Variants in RAD51C observed in about 807,000 individuals in gnomAD.
RAD51C encodes DNA repair protein RAD51 homolog 3.
Under a neutral mutation model 45.0 loss-of-function variants are expected in RAD51C, and 42 were observed. That is an observed-to-expected ratio of 0.93 (90% CI 0.73 to 1.21). RAD51C has a LOEUF of 1.21. RAD51C is among the 50% of genes most tolerant of loss of function. The probability of loss-of-function intolerance (pLI) is 0.00; values close to 1 mark genes in which losing one functional copy is unlikely to be tolerated. For synonymous variants in RAD51C, 172 were observed against 159.8 expected (o/e 1.08, Z -0.58); for missense variants, 474 against 452.2 (o/e 1.05, Z -0.44).
intron 6 of RAD51C, among the ~76,000 whole-genome samples, chr17:58,723,159 G>A (rs1015016427): frequency 2.2e-4 from 33 of 152,074 alleles, no homozygotes; most frequent in African/African-American, 8.0e-4. Flanking sequence ...AATAATAAAA[G>A]TCTTGTGTTT....
rs537272666 is a variant in RAD51C, at chr17:58,696,693, T to C, written c.405T>C (p.Cys135=). Residue 135 remains cysteine (C), a splice_region_variant and synonymous_variant, in exon 3 of 9, where the codon TGT becomes TGC. Transcript: ENST00000337432. ...TTGTTTGTCATCTTTCTGTTGACAG[T>C]ATGCAGTTGGCAGTAGATGTGCAGA... ...GAPGVGKTQL[C]MQLAVDVQIP... is the part of the protein sequence containing the mutation. The C allele has an allele frequency of 6.2e-7, 1 of 1,614,188 alleles. No homozygotes were observed. The highest frequency in any genetic ancestry group is 2.2e-5 in the East Asian group (1 of 44,880).
rs1215363659 is a variant in RAD51C, at chr17:58,713,466, G to A, written c.837+3476G>A. Among the ~76,000 whole-genome samples the A allele has an allele frequency of 9.2e-5, 14 of 151,864 alleles. No individual in the cohort carries two copies. In the East Asian group the frequency reaches 2.5e-3, roughly 28 times the overall value. On this transcript the variant is annotated intron_variant, in intron 5 of 8. Coordinates refer to ENST00000337432, the MANE Select transcript of RAD51C (RefSeq NM_058216.3). ...AGCAATCCTTTCACCTCAGCCTCTT[G>A]AGTAACTGAGACCACAGGCACACAC...
chr17:58,710,317 T>TAA (rs71143280), intron 5 of RAD51C, among the ~76,000 whole-genome samples: 1,546 of 67,308 alleles, frequency 0.023, 21 homozygotes, highest in Middle Eastern at 0.039. Context: ...CTGTCTCTAC[T>TAA]AAAAAAAAAA....
At chr17:58,731,289 A>T (rs1394307364) in intron 7 of RAD51C, among the ~76,000 whole-genome samples, 4 of 134,872 alleles carry the variant, frequency 3.0e-5, no homozygotes, top group African/African-American at 2.8e-5. Context: ...ATGGAGTTTC[A>T]CTCTTTTTTG....
intron 5 of RAD51C, among the ~76,000 whole-genome samples, chr17:58,718,157 C>T (rs977639356): frequency 4.6e-5 from 7 of 152,016 alleles, no homozygotes; most frequent in Admixed American, 1.3e-4. Context: ...CCCCAACGTT[C>T]GGCTAATTTT....
At chr17:58,697,496 A>C (rs994093750) in intron 3 of RAD51C, among the ~76,000 whole-genome samples, 1 of 145,746 alleles carries the variant, frequency 6.9e-6, no homozygotes, top group Non-Finnish European at 1.5e-5. Flanking sequence ...AGATTACGCC[A>C]CTGCACTCCA....
At chr17:58,714,973 A>T (rs1185920025) in intron 5 of RAD51C, among the ~76,000 whole-genome samples, 6 of 152,114 alleles carry the variant, frequency 3.9e-5, no homozygotes, top group Non-Finnish European at 8.8e-5. Context: ...CTAAAAAAGA[A>T]ACCCCAACCT....
intron 1 of RAD51C, chr17:58,693,729 A>G (rs1032521466): frequency 2.6e-5 from 4 of 152,124 alleles, no homozygotes; most frequent in Non-Finnish European, 5.9e-5. Flanking sequence ...AGCTTTTTAC[A>G]TGTATCGTCT....
chr17:58,692,608 A>G lies in RAD51C; in HGVS notation c.-36A>G, dbSNP rs779468229. On this transcript the variant is annotated 5_prime_UTR_variant, in exon 1 of 9. Coordinates refer to ENST00000337432, the MANE Select transcript of RAD51C (RefSeq NM_058216.3). Reference sequence around the variant, plus strand: ...CGCACGCCCCAGCGAGGGCGTGCGGAGTTTGGCTGCTCCGGGGTTAGCAGG... The same window carrying G: ...CGCACGCCCCAGCGAGGGCGTGCGGGGTTTGGCTGCTCCGGGGTTAGCAGG... 8 of 1,612,544 alleles carry G rather than the reference A, an allele frequency of 5.0e-6. No homozygotes were observed. The highest frequency in any genetic ancestry group is 1.3e-5 in the African/African-American group (1 of 74,880).
intron 4 of RAD51C, among the ~76,000 whole-genome samples, chr17:58,708,627 A>AT (rs2048450331): frequency 6.6e-6 from 1 of 151,238 alleles, no homozygotes; most frequent in Admixed American, 6.6e-5. Context: ...TAGTTTCCAG[A>AT]TTCTTTTTGA....
chr17:58,701,816 G>C (rs1029792506), intron 3 of RAD51C, among the ~76,000 whole-genome samples: 4 of 151,574 alleles, frequency 2.6e-5, no homozygotes, highest in Admixed American at 1.3e-4. Flanking sequence ...GATCCACCCA[G>C]CTTCCCAAAG....
intron 5 of RAD51C, among the ~76,000 whole-genome samples, chr17:58,719,233 A>G (rs574086479): frequency 1.6e-4 from 24 of 151,948 alleles, no homozygotes; most frequent in Non-Finnish European, 2.8e-4. Context: ...TTCTTTTTTG[A>G]GACAAGGTCT....
rs779462406 is a variant in RAD51C at position 58,695,204 on chromosome 17, TCTC to T, written c.404+18_404+20del. ...ACACAATTATGGTAAAATAAAGTGTTCTCCTTTTAAGGGTGGGTTTAATAACAT... is the reference window on the plus strand; with the variant it reads ...ACACAATTATGGTAAAATAAAGTGTTCTTTTAAGGGTGGGTTTAATAACAT... On this transcript the variant is annotated intron_variant, in intron 2 of 8. Transcript: ENST00000337432. The T allele has an allele frequency of 4.4e-6, 7 of 1,606,646 alleles. No homozygotes were observed. Among genetic ancestry groups the T allele is most frequent in the South Asian group, 2.2e-5 (2 of 90,502 alleles).
chr17:58,705,389 A>T (rs952430656), intron 4 of RAD51C, among the ~76,000 whole-genome samples: 1 of 151,482 alleles, frequency 6.6e-6, no homozygotes, highest in East Asian at 2.0e-4. Context: ...GCTGGAGTGC[A>T]ATGGCGTGAT....
At chr17:58,732,396 A>G (rs1335769662) in intron 7 of RAD51C, 88 bp from the exon 8 acceptor site, 6 of 1,063,688 alleles carry the variant, frequency 5.6e-6, no homozygotes, top group South Asian at 2.6e-5. Flanking sequence ...TAATAAACCT[A>G]TACATTTAAA....
At chr17:58,706,131 A>G (rs550210947) in intron 4 of RAD51C, 1 of 152,554 alleles carries the variant, frequency 6.6e-6, no homozygotes, top group African/African-American at 2.4e-5. Context: ...ATAAGGCTCA[A>G]GAATAATCCT....
At chr17:58,711,433 A>C (rs1470136667) in intron 5 of RAD51C, among the ~76,000 whole-genome samples, 1 of 152,192 alleles carries the variant, frequency 6.6e-6, no homozygotes, top group Non-Finnish European at 1.5e-5. Context: ...TGTATATATG[A>C]AGAGAAAGAT....
rs777585467 is a variant in RAD51C, at chr17:58,692,658, G to T, written c.15G>T (p.Thr5=). ...GTGAGCCTGCGATGCGCGGGAAGACGTTCCGCTTTGAAATGCAGCGGGATT... is the reference window on the plus strand; with the variant it reads ...GTGAGCCTGCGATGCGCGGGAAGACTTTCCGCTTTGAAATGCAGCGGGATT... MRGK[T]FRFEMQRDLV... The change falls in exon 1 of 9, where the codon ACG becomes ACT. Residue 5 remains threonine (T), a synonymous_variant. Coordinates refer to ENST00000337432, the MANE Select transcript of RAD51C (RefSeq NM_058216.3). 2 of 1,614,090 alleles carry T rather than the reference G, an allele frequency of 1.2e-6. No homozygotes were observed. Among genetic ancestry groups the T allele is most frequent in the Admixed American group, 1.7e-5 (1 of 60,004 alleles).
chr17:58,732,643 C>A, intron 8 of RAD51C, 99 bp downstream of exon 8: 1 of 1,171,678 alleles, frequency 8.5e-7, no homozygotes, highest in Non-Finnish European at 1.3e-6. Context: ...CTGTAGGCAG[C>A]AAGCATATTT....
Sources: allele counts gnomAD v4.1 joint callset (sites outside exome capture counted in the v4.1 genomes callset), GRCh38; gene constraint gnomAD v4.1.1; transcripts MANE v1.5; gene names NCBI Gene and HGNC (gene_info 2026-07-23, HGNC 2026-07-21).